Variants in FDPS observed in about 807,000 individuals in gnomAD.
FDPS encodes the protein farnesyl pyrophosphate synthase.
In FDPS, 29 loss-of-function variants were observed where a neutral mutation model predicts 49.5. The ratio of observed to expected loss-of-function variants is 0.59; its 90% CI spans 0.44 to 0.80. The LOEUF is 0.80. Ranked by LOEUF, FDPS falls within the 30% of genes least tolerant of loss-of-function variation. The pLI, the probability that FDPS is intolerant of heterozygous loss-of-function variation, is 0.00. For missense variants in FDPS, 414 were observed against 525.6 expected (o/e 0.79, Z 2.08); for synonymous variants, 172 against 206.4 (o/e 0.83, Z 1.43).
At chr1:155,320,227 A>G in intron 10 of FDPS, 182 bp from the exon 11 acceptor site, 1 of 657,682 alleles carries the variant, frequency 1.5e-6, no homozygotes. Flanking sequence ...GTATGAGGCA[A>G]TATTTGGGAT....
chr1:155,315,902 T>C (rs1649330405), intron 4 of FDPS, among the ~76,000 whole-genome samples: 1 of 149,324 alleles, frequency 6.7e-6, no homozygotes, highest in South Asian at 2.1e-4. Flanking sequence ...TGTCTTCTGC[T>C]CAAGCCTGGG....
At position 155,318,987 on chromosome 1, in the gene FDPS, C is replaced by A. The variant is rs1352542677; in HGVS notation, c.846+59C>A. The A allele has an allele frequency of 2.3e-6, 3 of 1,302,836 alleles. No homozygotes were observed. The highest frequency in any genetic ancestry group is 1.5e-5 in the African/African-American group (1 of 68,572). 80.7% of individuals were successfully genotyped at this position (1,302,836 alleles called of 1,614,324 possible). A position where few individuals can be genotyped will look rare whatever the true frequency, so the allele number is the denominator to read the frequency against. ...TGATGGGGGCTTTTGGACAGCAAGGCATAGAGCAGAAAACGTGAACACTGC... is the reference window on the plus strand; with the variant it reads ...TGATGGGGGCTTTTGGACAGCAAGGAATAGAGCAGAAAACGTGAACACTGC... On this transcript the variant is annotated intron_variant, in intron 8 of 10. Coordinates refer to ENST00000368356, the MANE Select transcript of FDPS (RefSeq NM_002004.4). The surrounding 1 kb of genome is among the most constrained non-coding windows in gnomAD (Gnocchi z 4.2).
Position 155,317,924 on chromosome 1 carries a change from T to C in FDPS, c.481-17T>C, listed in dbSNP as rs750326720. ...CAGTAATGAGGAGCCCTGCAGGTCTTATTCCACTCTTTCTAGCTGCAAGCT... is the reference window on the plus strand; with the variant it reads ...CAGTAATGAGGAGCCCTGCAGGTCTCATTCCACTCTTTCTAGCTGCAAGCT... On this transcript the variant is annotated splice_polypyrimidine_tract_variant and intron_variant, in intron 4 of 10. Coordinates refer to ENST00000368356, the MANE Select transcript of FDPS (RefSeq NM_002004.4). 1.2e-6 allele frequency: 2 copies of C among 1,609,222 alleles called. No individual in the cohort carries two copies. Among genetic ancestry groups the C allele is most frequent in the South Asian group, 2.2e-5 (2 of 90,924 alleles).
At position 155,309,925 on chromosome 1, in the gene FDPS, A is replaced by G; in HGVS notation, c.136A>G (p.Ser46Gly). The G allele has an allele frequency of 6.2e-7, 1 of 1,603,630 alleles. No homozygotes were observed. Among genetic ancestry groups the G allele is most frequent in the South Asian group, 1.1e-5 (1 of 90,482 alleles). ...VHGYPVLAWHSARCWCQAWTE... is the reference protein window; with the variant it reads ...VHGYPVLAWHGARCWCQAWTE... ...CGGGTACCCAGTCCTGGCCTGGCAC[A>G]GTGCCCGCTGCTGGTGCCAAGCGTG... Residue 46 changes from serine to glycine, a missense_variant, in exon 2 of 11, where the codon AGT becomes GGT. By Grantham distance (56) the Ser-to-Gly change is moderately conservative. Coordinates refer to ENST00000368356, the MANE Select transcript of FDPS (RefSeq NM_002004.4).
chr1:155,313,847 C>G (rs1649043697), intron 4 of FDPS, among the ~76,000 whole-genome samples: 1 of 151,790 alleles, frequency 6.6e-6, no homozygotes, highest in African/African-American at 2.4e-5. Context: ...GAGATGGAGT[C>G]TCTCTCTGTT....
chr1:155,319,979 AGTG>A (rs773847307), intron 10 of FDPS, 51 bp downstream of exon 10: 32 of 1,593,762 alleles, frequency 2.0e-5, no homozygotes, highest in Non-Finnish European at 2.7e-5. Context: ...GGGATAGAGC[AGTG>A]GTTCTCAACT....
At chr1:155,311,303 C>T (rs1179297546) in intron 3 of FDPS, among the ~76,000 whole-genome samples, 1 of 152,164 alleles carries the variant, frequency 6.6e-6, no homozygotes, top group Non-Finnish European at 1.5e-5. Flanking sequence ...TGTGCCACTG[C>T]ACTCCAGCCT....
Position 155,318,111 on chromosome 1 carries a change from C to T in FDPS, c.562-58C>T. On this transcript the variant is annotated intron_variant, in intron 5 of 10. Coordinates refer to ENST00000368356, the MANE Select transcript of FDPS (RefSeq NM_002004.4). This position sits in a 1 kb window ranked among gnomAD's most constrained non-coding sequence, Gnocchi z 4.2. ...CCTGGTTGAGGTGTTGGGGTGATGG[C>T]TCTTAGTATGAACCGAGACTAGAGA... The T allele has an allele frequency of 8.1e-6, 13 of 1,613,464 alleles. No individual in the cohort carries two copies. Among genetic ancestry groups the T allele is most frequent in the Non-Finnish European group, 1.1e-5 (13 of 1,179,534 alleles).
intron 1 of FDPS, 21 bp from the exon 2 acceptor site, chr1:155,309,768 C>A: frequency 6.6e-7 from 1 of 1,515,658 alleles, no homozygotes; most frequent in East Asian, 2.3e-5. Context: ...GCTTAGTGCC[C>A]CCTCCCTATG....
intron 3 of FDPS, among the ~76,000 whole-genome samples, chr1:155,311,790 T>C (rs1014728136): frequency 5.3e-5 from 8 of 151,974 alleles, no homozygotes; most frequent in African/African-American, 1.9e-4. Flanking sequence ...CTAGCCAACA[T>C]GGTGAAACTC....
Position 155,319,708 on chromosome 1 carries a change from T to A in FDPS, c.924+20T>A, listed in dbSNP as rs777796449. On this transcript the variant is annotated intron_variant, in intron 9 of 10. Coordinates refer to ENST00000368356, the MANE Select transcript of FDPS (RefSeq NM_002004.4). The stretch of plus-strand genomic sequence containing the variant: ...ATTCAGGTAAGAAGGCAGGAGGCAG[T>A]AGCAGAGAACAGGCACCAGCTTCAC... 6.2e-7 allele frequency: 1 copy of A among 1,614,104 alleles called. No individual in the cohort carries two copies. The highest frequency in any genetic ancestry group is 8.5e-7 in the Non-Finnish European group (1 of 1,179,956).
At chr1:155,315,615 G>A (rs1649272054) in intron 4 of FDPS, among the ~76,000 whole-genome samples, 1 of 152,104 alleles carries the variant, frequency 6.6e-6, no homozygotes, top group Non-Finnish European at 1.5e-5. Flanking sequence ...CCTGGGAGGC[G>A]GAGCTTGCAG....
chr1:155,318,996 G>C lies in FDPS; in HGVS notation c.846+68G>C. 8.5e-7 allele frequency: 1 copy of C among 1,173,388 alleles called. No homozygotes were observed. The highest frequency in any genetic ancestry group is 1.2e-5 in the South Asian group (1 of 81,524). The allele number at this position is 1,173,388 out of a possible 1,614,324, so 72.7% of individuals were successfully genotyped here. A position where few individuals can be genotyped will look rare whatever the true frequency, so the allele number is the denominator to read the frequency against. On this transcript the variant is annotated intron_variant, in intron 8 of 10. Coordinates refer to ENST00000368356, the MANE Select transcript of FDPS (RefSeq NM_002004.4). This position sits in a 1 kb window ranked among gnomAD's most constrained non-coding sequence, Gnocchi z 4.2. Reference sequence around the variant, plus strand: ...CTTTTGGACAGCAAGGCATAGAGCAGAAAACGTGAACACTGCTACCCCTGG... The same window carrying C: ...CTTTTGGACAGCAAGGCATAGAGCACAAAACGTGAACACTGCTACCCCTGG...
rs376368858 is a variant in FDPS at position 155,318,162 on chromosome 1, A to G, written c.562-7A>G. On this transcript the variant is annotated splice_region_variant and splice_polypyrimidine_tract_variant and intron_variant, in intron 5 of 10. Coordinates refer to ENST00000368356, the MANE Select transcript of FDPS (RefSeq NM_002004.4). This position sits in a 1 kb window ranked among gnomAD's most constrained non-coding sequence, Gnocchi z 4.2. Reference sequence around the variant, plus strand: ...TTGATTGCTTGTTTTTCTGTCTGTCATGACAGCCGGGCGTGGGTTTGGATG... The same window carrying G: ...TTGATTGCTTGTTTTTCTGTCTGTCGTGACAGCCGGGCGTGGGTTTGGATG... The G allele has an allele frequency of 3.1e-6, 5 of 1,613,962 alleles. No individual in the cohort carries two copies. The highest frequency in any genetic ancestry group is 4.2e-6 in the Non-Finnish European group (5 of 1,180,022).
rs765202779 is a variant in FDPS, at chr1:155,320,495, A to G, written c.1146A>G (p.Gln382=). Reference sequence around the variant, plus strand: ...TGGATCTGCCAGCAGTGTTCTTGCAATATGAGGAAGACAGTTACAGCCACA... The same window carrying G: ...TGGATCTGCCAGCAGTGTTCTTGCAGTATGAGGAAGACAGTTACAGCCACA... The part of the protein sequence containing the change: ...EELDLPAVFL[Q]YEEDSYSHIM... Residue 382 remains glutamine (Q), a synonymous_variant, in exon 11 of 11, where the codon CAA becomes CAG. Transcript: ENST00000368356. 1.1e-5 allele frequency: 17 copies of G among 1,613,892 alleles called. No homozygotes were observed. The highest frequency in any genetic ancestry group is 1.4e-5 in the Non-Finnish European group (16 of 1,180,022).
Position 155,312,415 on chromosome 1 carries a change from G to A in FDPS, c.480+20G>A. On this transcript the variant is annotated intron_variant, in intron 4 of 10. Transcript: ENST00000368356. Reference sequence around the variant, plus strand: ...GAACTGGTGAGAGGGGTAGGGCAAGGGAGAAGAAGTTTCCTGCAATGGTGG... The same window carrying A: ...GAACTGGTGAGAGGGGTAGGGCAAGAGAGAAGAAGTTTCCTGCAATGGTGG... 1.9e-6 allele frequency: 3 copies of A among 1,609,320 alleles called. No individual in the cohort carries two copies. Among genetic ancestry groups the A allele is most frequent in the Non-Finnish European group, 2.6e-6 (3 of 1,176,140 alleles).
rs752775980 is a variant in FDPS, at chr1:155,320,615, A to G, written c.*6A>G. ...TCTACAAGCGGAGAAAGTGACCTAG[A>G]GATTGCAAGGGCGGGGAGAGGAGGC... On this transcript the variant is annotated 3_prime_UTR_variant, in exon 11 of 11. Transcript: ENST00000368356. 28 of 1,613,926 alleles carry G rather than the reference A, an allele frequency of 1.7e-5. No individual in the cohort carries two copies. Among genetic ancestry groups the G allele is most frequent in the Non-Finnish European group, 2.3e-5 (27 of 1,179,942 alleles).
rs908635864 is a variant in FDPS at position 155,317,936 on chromosome 1, T to C, written c.481-5T>C. The stretch of plus-strand genomic sequence containing the variant: ...GCCCTGCAGGTCTTATTCCACTCTT[T>C]CTAGCTGCAAGCTTTCTTCCTGGTG... On this transcript the variant is annotated splice_polypyrimidine_tract_variant and splice_region_variant and intron_variant, in intron 4 of 10. Coordinates refer to ENST00000368356, the MANE Select transcript of FDPS (RefSeq NM_002004.4). The C allele has an allele frequency of 1.2e-6, 2 of 1,612,218 alleles. No individual in the cohort carries two copies. The highest frequency in any genetic ancestry group is 4.5e-5 in the East Asian group (2 of 44,890).
Position 155,318,570 on chromosome 1 carries a change from C to A in FDPS, c.685-95C>A. On this transcript the variant is annotated intron_variant, in intron 6 of 10. Transcript: ENST00000368356. The surrounding 1 kb of genome is among the most constrained non-coding windows in gnomAD (Gnocchi z 4.2). ...CTTCTGTTGCCTTTCTGATTCTGCCCAGTTGTCAGCTGGTATGGGATGTTG... is the reference window on the plus strand; with the variant it reads ...CTTCTGTTGCCTTTCTGATTCTGCCAAGTTGTCAGCTGGTATGGGATGTTG... 9.8e-7 allele frequency: 1 copy of A among 1,020,684 alleles called. No individual in the cohort carries two copies. The highest frequency in any genetic ancestry group is 1.5e-6 in the Non-Finnish European group (1 of 653,762). The allele number at this position is 1,020,684 out of a possible 1,614,324, so 63.2% of individuals were successfully genotyped here.
Sources: gnomAD v4.1 joint callset for allele counts (sites outside exome capture counted in the v4.1 genomes callset) on GRCh38, gnomAD v4.1.1 for gene constraint, Gnocchi (gnomAD v3.1) non-coding constraint, MANE v1.5 for transcripts, NCBI Gene and HGNC (gene_info 2026-07-23, HGNC 2026-07-21) for gene names.